MZT1: variants seen among roughly 807,000 people sequenced by gnomAD.
MZT1 encodes the protein mitotic spindle organizing protein 1, also known as mitotic-spindle organizing protein 1.
In MZT1, 8 loss-of-function variants were observed where a neutral mutation model predicts 8.5. That is an observed-to-expected ratio of 0.94 (90% CI 0.55 to 1.70). The LOEUF is 1.70. Ranked by LOEUF, MZT1 falls within the 40% of genes most tolerant of loss-of-function variation. The pLI is 0.00. For synonymous variants in MZT1, 38 were observed against 42.0 expected (o/e 0.90, Z 0.37); for missense variants, 93 against 108.6 (o/e 0.86, Z 0.64).
chr13:72,712,571 T>G (rs1199798972), intron 2 of MZT1, among the ~76,000 whole-genome samples: 1 of 152,250 alleles, frequency 6.6e-6, no homozygotes, highest in Non-Finnish European at 1.5e-5. Context: ...GTCAACACTT[T>G]CTGATTCAGT....
chr13:72,713,050 C>T (rs935569530), intron 2 of MZT1, among the ~76,000 whole-genome samples: 7 of 152,144 alleles, frequency 4.6e-5, no homozygotes, highest in Non-Finnish European at 7.4e-5. Flanking sequence ...TTTCTAATAA[C>T]GACTTCATCT....
intron 1 of MZT1, among the ~76,000 whole-genome samples, chr13:72,724,104 G>C (rs2032616051): frequency 6.6e-6 from 1 of 152,176 alleles, no homozygotes; most frequent in Non-Finnish European, 1.5e-5. Context: ...CTATTGTGAA[G>C]GCAATGTAAT....
chr13:72,714,614 C>A (rs919795219), intron 2 of MZT1, among the ~76,000 whole-genome samples: 1 of 152,218 alleles, frequency 6.6e-6, no homozygotes, highest in Non-Finnish European at 1.5e-5. Flanking sequence ...AGGCTCAGGG[C>A]CCCGCAGCCC....
chr13:72,713,659 G>A (rs2069169624), intron 2 of MZT1, among the ~76,000 whole-genome samples: 1 of 152,138 alleles, frequency 6.6e-6, no homozygotes, highest in African/African-American at 2.4e-5. Context: ...ATCCACAGCT[G>A]GTTGAATCCA....
chr13:72,713,943 C>T (rs1467374100), intron 2 of MZT1, among the ~76,000 whole-genome samples: 1 of 152,174 alleles, frequency 6.6e-6, no homozygotes, highest in African/African-American at 2.4e-5. Flanking sequence ...ATTAGCTATT[C>T]TTGTTATTCA....
intron 1 of MZT1, among the ~76,000 whole-genome samples, chr13:72,724,170 T>C (rs984888049): frequency 6.6e-6 from 1 of 152,178 alleles, no homozygotes; most frequent in African/African-American, 2.4e-5. Context: ...ATCTTAGAAC[T>C]GTGGAAAGCT....
intron 1 of MZT1, among the ~76,000 whole-genome samples, chr13:72,721,228 ACTT>A (rs534330136): frequency 3.7e-4 from 57 of 152,176 alleles, no homozygotes; most frequent in Non-Finnish European, 6.5e-4. Flanking sequence ...TTCGGATATT[ACTT>A]CTTAGATCTG....
chr13:72,712,908 A>C (rs1307959384), intron 2 of MZT1, among the ~76,000 whole-genome samples: 1 of 152,234 alleles, frequency 6.6e-6, no homozygotes, highest in African/African-American at 2.4e-5. Flanking sequence ...ATGTGTACTA[A>C]ATAAATCTTT....
Position 72,714,919 on chromosome 13 carries a change from G to A in MZT1, c.225+4033C>T, listed in dbSNP as rs1261362662. On this transcript the variant is annotated intron_variant, in intron 2 of 2. Transcript: ENST00000377818. The stretch of plus-strand genomic sequence containing the variant: ...CTAGAGTAGTGCAGAGGGGAAATAT[G>A]GGGTTGGAGCCCCTACACAATGTCC... Among the ~76,000 whole-genome samples, 4 of 152,172 alleles carry A rather than the reference G, an allele frequency of 2.6e-5. No homozygotes were observed. The East Asian group carries it at 5.8e-4, about 22-fold the overall frequency.
chr13:72,718,257 C>T (rs2138012226), intron 2 of MZT1, among the ~76,000 whole-genome samples: 1 of 152,206 alleles, frequency 6.6e-6, no homozygotes, highest in East Asian at 1.9e-4. Context: ...CTAAGGCCAC[C>T]AATTATTGGG....
At chr13:72,712,540 G>A (rs2032498073) in intron 2 of MZT1, among the ~76,000 whole-genome samples, 1 of 152,208 alleles carries the variant, frequency 6.6e-6, no homozygotes, top group African/African-American at 2.4e-5. Flanking sequence ...GTATGTGAGA[G>A]ACAGATTTTC....
At chr13:72,720,686 C>T (rs550512875) in intron 1 of MZT1, among the ~76,000 whole-genome samples, 52 of 152,164 alleles carry the variant, frequency 3.4e-4, no homozygotes, top group East Asian at 3.9e-4. Flanking sequence ...GTCGGGAGTT[C>T]GAGACCAGCC....
At position 72,727,558 on chromosome 13, in the gene MZT1, C is replaced by CGCCGCG; in HGVS notation, c.39_44dup (p.Ala15_Ala16dup). 1 of 1,603,238 alleles carries CGCCGCG rather than the reference C, an allele frequency of 6.2e-7. No individual in the cohort carries two copies. The highest frequency in any genetic ancestry group is 8.5e-7 in the Non-Finnish European group (1 of 1,173,810). ...TCTCCCGCACCGCATTCAGATTCGC[C>CGCCGCG]GCCGCGGCCGCCGCCGCCGCCCCAG... On this transcript the variant is annotated inframe_insertion, in exon 1 of 3. Coordinates refer to ENST00000377818, the MANE Select transcript of MZT1 (RefSeq NM_001071775.3).
chr13:72,720,044 C>T (rs557452760), intron 1 of MZT1, among the ~76,000 whole-genome samples: 1 of 152,294 alleles, frequency 6.6e-6, no homozygotes, highest in East Asian at 1.9e-4. Flanking sequence ...ATTATATCCA[C>T]CAGTATTCTC....
intron 2 of MZT1, among the ~76,000 whole-genome samples, chr13:72,716,121 G>A (rs2032532811): frequency 6.6e-6 from 1 of 151,988 alleles, no homozygotes; most frequent in Non-Finnish European, 1.5e-5. Flanking sequence ...TCACTATGTT[G>A]GCCAGGCTGG....
intron 1 of MZT1, among the ~76,000 whole-genome samples, chr13:72,724,627 C>T (rs2032622333): frequency 7.3e-6 from 1 of 137,480 alleles, no homozygotes; most frequent in Admixed American, 7.4e-5. Context: ...CAACCTTCGC[C>T]TCCCAGGTTC....
rs145370645 is a variant in MZT1 at position 72,721,109 on chromosome 13, T to C, written c.80-2012A>G. ...TTCTGCCTTGCATATCTGGTAATCT[T>C]TGATTGGATGCCATGTACTTAGAAT... On this transcript the variant is annotated intron_variant, in intron 1 of 2. Transcript: ENST00000377818. Among the ~76,000 whole-genome samples the C allele has an allele frequency of 2.4e-3, 372 of 152,290 alleles. 2 individuals carry two copies. Among genetic ancestry groups the C allele is most frequent in the African/African-American group, 8.6e-3 (356 of 41,562 alleles).
intron 2 of MZT1, among the ~76,000 whole-genome samples, chr13:72,712,329 T>C (rs2032496088): frequency 6.6e-6 from 1 of 152,152 alleles, no homozygotes; most frequent in South Asian, 2.1e-4. Context: ...CTAAAATAAA[T>C]ATTTTGTAGA....
chr13:72,718,991 C>A lies in MZT1; in HGVS notation c.186G>T (p.Ser62=), dbSNP rs767557447. ...TAGCCTTGCGAAGCTCCTTAATAAC[C>A]GATGATAAAGCTTCTGGGTTAATTC... ...EQGINPEALS[S]VIKELRKATE... is the part of the protein sequence containing the mutation. The change falls in exon 2 of 3, where the codon TCG becomes TCT. Residue 62 remains serine, a synonymous_variant. Transcript: ENST00000377818. 1 of 1,591,402 alleles carries A rather than the reference C, an allele frequency of 6.3e-7. No homozygotes were observed. The highest frequency in any genetic ancestry group is 2.3e-5 in the East Asian group (1 of 43,738).
Sources: allele counts gnomAD v4.1 joint callset (sites outside exome capture counted in the v4.1 genomes callset), GRCh38; gene constraint gnomAD v4.1.1; transcripts MANE v1.5; gene names NCBI Gene and HGNC (gene_info 2026-07-23, HGNC 2026-07-21).